The following LTBP1 variants were observed in gnomAD, a reference collection of about 807,000 sequenced individuals.
LTBP1 encodes the protein latent-transforming growth factor beta-binding protein 1.
A neutral mutation model predicts 207.6 loss-of-function variants in LTBP1; 129 were observed. That is an observed-to-expected ratio of 0.62 (90% CI 0.54 to 0.72). The LOEUF (loss-of-function observed/expected upper bound fraction) is 0.72. Among genes scored for constraint, LTBP1 ranks in the 30% least tolerant of loss-of-function variants. The pLI is 0.00. For missense variants in LTBP1, 2,281 were observed against 2,217.2 expected (o/e 1.03, Z -0.58); for synonymous variants, 963 against 833.7 (o/e 1.16, Z -2.67).
At chr2:33,124,449 T>C (rs901764101) in intron 4 of LTBP1, among the ~76,000 whole-genome samples, 2 of 152,294 alleles carry the variant, frequency 1.3e-5, no homozygotes, top group South Asian at 4.1e-4. Context: ...TAAACCTTTC[T>C]AATCAGTGGG....
intron 3 of LTBP1, among the ~76,000 whole-genome samples, chr2:33,082,470 A>G (rs1041805496): frequency 4.2e-5 from 4 of 95,560 alleles, no homozygotes; most frequent in African/African-American, 1.2e-4. Context: ...TTTTTTTGAG[A>G]AGGAGTCTCG....
At chr2:33,331,759 C>T (rs991406624) in intron 24 of LTBP1, among the ~76,000 whole-genome samples, 8 of 152,014 alleles carry the variant, frequency 5.3e-5, no homozygotes, top group African/African-American at 1.9e-4. Context: ...TGTCTGCTTA[C>T]TATATAAATG....
At position 33,243,760 on chromosome 2, in the gene LTBP1, G is replaced by C. The variant is rs750009187; in HGVS notation, c.1975G>C (p.Asp659His). 5.6e-6 allele frequency: 9 copies of C among 1,613,872 alleles called. No homozygotes were observed. In the Admixed American group the frequency reaches 1.5e-4, roughly 27 times the overall value. The change falls in exon 10 of 34, where the codon GAT (aspartate) becomes CAT (histidine). Residue 659 changes from aspartate (D) to histidine (H), a missense_variant. Asp to His is a moderately conservative substitution (Grantham distance 81). This residue lies in a region of LTBP1 where 1,671 missense variants were observed against 1,634.8 expected (regional missense o/e 1.02). Transcript: ENST00000404816. ...TACCTGCAAAATAGGATTTGGGCCG[G>C]ATCCTACCTTTTCAAGTTGTGTTCG... ...RCTCKIGFGPDPTFSSCVPDP... is the reference protein window; with the variant it reads ...RCTCKIGFGPHPTFSSCVPDP...
In LTBP1 at chr2:33,398,466, A is replaced by C. The variant is rs748788765; in HGVS notation, c.5087A>C (p.Tyr1696Ser). 1 of 1,614,228 alleles carries C rather than the reference A, an allele frequency of 6.2e-7. No homozygotes were observed. The highest frequency in any genetic ancestry group is 8.5e-7 in the Non-Finnish European group (1 of 1,180,004). The change falls in exon 34 of 34, where the codon TAC becomes TCC. Residue 1696 changes from tyrosine (Y) to serine (S), a missense_variant. Transcript: ENST00000404816. Reference sequence around the variant, plus strand: ...TACAAGTGTTTGTGTCTGCCAGGCTACGTGCCTTCTGACAAGCCAAACTAC... The same window carrying C: ...TACAAGTGTTTGTGTCTGCCAGGCTCCGTGCCTTCTGACAAGCCAAACTAC... ...GSYKCLCLPGYVPSDKPNYCT... is the reference protein window; with the variant it reads ...GSYKCLCLPGSVPSDKPNYCT...
At chr2:33,338,551 G>A (rs765836784) in intron 24 of LTBP1, among the ~76,000 whole-genome samples, 23 of 152,104 alleles carry the variant, frequency 1.5e-4, no homozygotes, top group Admixed American at 1.2e-3. Context: ...AGGAGCCCTC[G>A]ATAAGCACAG....
At chr2:33,125,660 A>G (rs947340857) in intron 4 of LTBP1, among the ~76,000 whole-genome samples, 2 of 151,816 alleles carry the variant, frequency 1.3e-5, no homozygotes, top group African/African-American at 4.8e-5. Flanking sequence ...GTGAAACCCC[A>G]TCTCTACTAA....
Position 32,951,115 on chromosome 2 carries a change from C to T in LTBP1, c.565+2170C>T, listed in dbSNP as rs60409488. Among the ~76,000 whole-genome samples, 948 of 152,286 alleles carry T rather than the reference C, an allele frequency of 6.2e-3. 9 individuals carry two copies. Among genetic ancestry groups the T allele is most frequent in the African/African-American group, 0.021 (893 of 41,550 alleles). On this transcript the variant is annotated intron_variant, in intron 2 of 33. Transcript: ENST00000404816. ...AAGTTGCTATGTTGGTTTAATCTTA[C>T]GGTACCTACAACCAATGCTTCCAGC...
chr2:33,337,461 C>T (rs981256282), intron 24 of LTBP1, among the ~76,000 whole-genome samples: 2 of 152,206 alleles, frequency 1.3e-5, no homozygotes, highest in African/African-American at 4.8e-5. Context: ...AAATTCACAT[C>T]AGGGATCGAT....
chr2:33,123,184 T>TGCCTG (rs1160450671), intron 4 of LTBP1, among the ~76,000 whole-genome samples: 2 of 152,226 alleles, frequency 1.3e-5, no homozygotes, highest in African/African-American at 4.8e-5. Flanking sequence ...AGAATTGTTC[T>TGCCTG]GCCTGGCCTG....
intron 5 of LTBP1, among the ~76,000 whole-genome samples, chr2:33,168,650 G>A (rs2085146438): frequency 6.6e-6 from 1 of 151,646 alleles, no homozygotes; most frequent in South Asian, 2.1e-4. Flanking sequence ...AGATTTAAAG[G>A]TCACAGTCCA....
In LTBP1 at chr2:33,243,024, C is replaced by T. The variant is rs527349463; in HGVS notation, c.1877-638C>T. Among the ~76,000 whole-genome samples the T allele has an allele frequency of 2.1e-3, 323 of 152,240 alleles. 4 individuals are homozygous for T. Among genetic ancestry groups the T allele is most frequent in the African/African-American group, 6.8e-3 (282 of 41,540 alleles). On this transcript the variant is annotated intron_variant, in intron 9 of 33. Transcript: ENST00000404816. ...TTTGACTCATCATTTCCTGAGCCTC[C>T]ATCCACTGGCCACACTCTGTGCTCA... is the stretch of plus-strand genomic sequence containing the variant.
intron 5 of LTBP1, among the ~76,000 whole-genome samples, chr2:33,174,930 G>C (rs1225770257): frequency 1.3e-5 from 2 of 151,424 alleles, no homozygotes; most frequent in Non-Finnish European, 3.0e-5. Context: ...TTAATAAATG[G>C]TGCTGGGAAA....
At position 33,041,514 on chromosome 2, in the gene LTBP1, C is replaced by A. The variant is rs376599143; in HGVS notation, c.863+20308C>A. ...GGCCAGGCTGTTCTCGAACTCCTGACCTTGTGATCCACCTGCCTCTGCATC... is the reference window on the plus strand; with the variant it reads ...GGCCAGGCTGTTCTCGAACTCCTGAACTTGTGATCCACCTGCCTCTGCATC... On this transcript the variant is annotated intron_variant, in intron 3 of 33. Transcript: ENST00000404816. Among the ~76,000 whole-genome samples the A allele has an allele frequency of 2.1e-3, 322 of 152,306 alleles. 1 individual carries two copies. The highest frequency in any genetic ancestry group is 0.017 in the Middle Eastern group (5 of 294).
chr2:33,147,074 C>T (rs2083113997), intron 5 of LTBP1, among the ~76,000 whole-genome samples: 1 of 152,180 alleles, frequency 6.6e-6, no homozygotes, highest in Admixed American at 6.5e-5. Flanking sequence ...AATGTGACTT[C>T]AAATGCCTGC....
At chr2:33,222,961 T>C (rs1271113358) in intron 9 of LTBP1, among the ~76,000 whole-genome samples, 1 of 152,214 alleles carries the variant, frequency 6.6e-6, no homozygotes, top group Middle Eastern at 3.2e-3. Flanking sequence ...TATGTATACA[T>C]TGAAACTGAG....
intron 2 of LTBP1, among the ~76,000 whole-genome samples, chr2:33,002,887 A>G (rs1016330368): frequency 6.6e-6 from 1 of 152,128 alleles, no homozygotes; most frequent in Non-Finnish European, 1.5e-5. Context: ...TGTGTTGGCC[A>G]GGCTGATCTT....
intron 2 of LTBP1, among the ~76,000 whole-genome samples, chr2:33,002,284 G>A (rs968066455): frequency 6.6e-6 from 1 of 152,224 alleles, no homozygotes; most frequent in African/African-American, 2.4e-5. Context: ...AATGCAAGGG[G>A]TGAGTTAATA....
chr2:33,333,101 G>A (rs922448260), intron 24 of LTBP1: 3 of 152,014 alleles, frequency 2.0e-5, no homozygotes, highest in Non-Finnish European at 4.4e-5. Flanking sequence ...TGATAGATTC[G>A]GAGCAGGACA....
chr2:33,312,538 A>T (rs2094203045), intron 23 of LTBP1, among the ~76,000 whole-genome samples: 1 of 152,012 alleles, frequency 6.6e-6, no homozygotes, highest in South Asian at 2.1e-4. Flanking sequence ...CCATGAAAGA[A>T]ACCCAACTTA....
Sources: gnomAD v4.1 joint callset for allele counts (sites outside exome capture counted in the v4.1 genomes callset) on GRCh38, gnomAD v4.1.1 for gene constraint, gnomAD v4.1.1 regional missense constraint, MANE v1.5 for transcripts, NCBI Gene and HGNC (gene_info 2026-07-23, HGNC 2026-07-21) for gene names.